FNDC3B: variants seen among roughly 807,000 people sequenced by gnomAD.
The protein encoded by FNDC3B is fibronectin type III domain containing 3B.
Under a neutral mutation model 151.5 loss-of-function variants are expected in FNDC3B, and 12 were observed. That is an observed-to-expected ratio of 0.08 (90% CI 0.05 to 0.13). FNDC3B has a LOEUF of 0.13. Among genes scored for constraint, FNDC3B ranks in the 10% least tolerant of loss-of-function variants. FNDC3B has a pLI of 1.00. For synonymous variants in FNDC3B, 528 were observed against 549.0 expected (o/e 0.96, Z 0.54); for missense variants, 1,214 against 1,505.3 (o/e 0.81, Z 3.20).
rs573995316 is a variant in FNDC3B at position 172,174,793 on chromosome 3, T to C, written c.187+41247T>C. Among the ~76,000 whole-genome samples the C allele has an allele frequency of 7.2e-5, 11 of 152,198 alleles. No homozygotes were observed. The South Asian group carries it at 2.3e-3, about 32-fold the overall frequency. On this transcript the variant is annotated intron_variant, in intron 3 of 25. Coordinates refer to ENST00000415807, the MANE Select transcript of FNDC3B (RefSeq NM_022763.4). Reference sequence around the variant, plus strand: ...TTGGTTGTGGGTGAATAGCCTCTTATTTAATTTAGTATGATGTTTATCTAG... The same window carrying C: ...TTGGTTGTGGGTGAATAGCCTCTTACTTAATTTAGTATGATGTTTATCTAG...
chr3:172,189,029 T>A (rs1724359619), intron 3 of FNDC3B, among the ~76,000 whole-genome samples: 1 of 152,220 alleles, frequency 6.6e-6, no homozygotes, highest in Admixed American at 6.5e-5. Context: ...AAAGGAAGCA[T>A]TTAAAACTTA....
intron 23 of FNDC3B, among the ~76,000 whole-genome samples, chr3:172,374,805 T>G (rs971480644): frequency 2.6e-5 from 4 of 152,172 alleles, no homozygotes; most frequent in Admixed American, 2.6e-4. Context: ...CTAAACTACT[T>G]GCTGGTGTTT....
chr3:172,165,914 A>G (rs1328901627), intron 3 of FNDC3B, among the ~76,000 whole-genome samples: 8 of 152,200 alleles, frequency 5.3e-5, no homozygotes, highest in Non-Finnish European at 1.2e-4. Context: ...ACTAAAAAAT[A>G]CCTTAGTTAT....
At chr3:172,039,936 G>A (rs1020374769) in intron 1 of FNDC3B, among the ~76,000 whole-genome samples, 165 bp downstream of exon 1, 1 of 151,898 alleles carries the variant, frequency 6.6e-6, no homozygotes, top group Non-Finnish European at 1.5e-5. Context: ...CCGGAGTGCT[G>A]GGGCGCCCCG....
intron 3 of FNDC3B, among the ~76,000 whole-genome samples, chr3:172,178,070 G>A (rs960239384): frequency 6.6e-6 from 1 of 152,126 alleles, no homozygotes; most frequent in African/African-American, 2.4e-5. Flanking sequence ...TGGTGTCTGT[G>A]TACCACATTT....
intron 1 of FNDC3B, among the ~76,000 whole-genome samples, chr3:172,086,361 A>G (rs1382144519): frequency 2.0e-4 from 4 of 19,810 alleles, no homozygotes; most frequent in Non-Finnish European, 4.6e-4. Flanking sequence ...CCTGATCTTT[A>G]AAAAAAAAAA....
intron 1 of FNDC3B, among the ~76,000 whole-genome samples, chr3:172,045,332 A>G (rs564888587): frequency 1.3e-5 from 2 of 152,184 alleles, no homozygotes; most frequent in Non-Finnish European, 2.9e-5. Context: ...AAGTTGTCCC[A>G]TATCTGTGTT....
At chr3:172,298,965 G>A (rs1036698490) in intron 9 of FNDC3B, among the ~76,000 whole-genome samples, 178 bp downstream of exon 9, 2 of 152,132 alleles carry the variant, frequency 1.3e-5, no homozygotes, top group Non-Finnish European at 2.9e-5. Context: ...ACACAGAAGC[G>A]CTTCTGTGAA....
intron 6 of FNDC3B, among the ~76,000 whole-genome samples, chr3:172,270,148 A>G (rs1436149410): frequency 6.6e-6 from 1 of 152,214 alleles, no homozygotes; most frequent in African/African-American, 2.4e-5. Flanking sequence ...TTCCAATGTT[A>G]TTGTAGTGCT....
chr3:172,141,820 C>A (rs1402502757), intron 3 of FNDC3B, among the ~76,000 whole-genome samples: 1 of 151,832 alleles, frequency 6.6e-6, no homozygotes, highest in Non-Finnish European at 1.5e-5. Flanking sequence ...CATTGCACTC[C>A]AGCCTGGGAG....
At position 172,330,727 on chromosome 3, in the gene FNDC3B, A is replaced by G; in HGVS notation, c.1554+12A>G. Reference sequence around the variant, plus strand: ...AGGAGGATGAAAATGTGAGTTTTACAGATTTTATACTTCTCTGTGTTTTGT... The same window carrying G: ...AGGAGGATGAAAATGTGAGTTTTACGGATTTTATACTTCTCTGTGTTTTGT... On this transcript the variant is annotated intron_variant, in intron 13 of 25. Coordinates refer to ENST00000415807, the MANE Select transcript of FNDC3B (RefSeq NM_022763.4). 6 of 1,606,266 alleles carry G rather than the reference A, an allele frequency of 3.7e-6. No homozygotes were observed. The highest frequency in any genetic ancestry group is 4.3e-6 in the Non-Finnish European group (5 of 1,173,526).
chr3:172,374,615 G>A (rs552613725), intron 23 of FNDC3B, among the ~76,000 whole-genome samples: 86 of 152,174 alleles, frequency 5.7e-4, no homozygotes, highest in African/African-American at 1.8e-3. Context: ...GGCTGGTCTC[G>A]AAATCCTGAC....
intron 3 of FNDC3B, among the ~76,000 whole-genome samples, chr3:172,202,648 A>G (rs184408097): frequency 1.3e-5 from 2 of 152,236 alleles, no homozygotes; most frequent in Non-Finnish European, 2.9e-5. Context: ...TTGTCTTCTT[A>G]TAAAGTCTTA....
chr3:172,161,989 T>TG lies in FNDC3B; in HGVS notation c.187+28451dup, dbSNP rs1553767751. On this transcript the variant is annotated intron_variant, in intron 3 of 25. Coordinates refer to ENST00000415807, the MANE Select transcript of FNDC3B (RefSeq NM_022763.4). ...CCTCTTAGGATAATTTTTTTTTTTT[T>TG]GGGGGGGGACAGAGTCTCTCTCTGT... Among the ~76,000 whole-genome samples the TG allele has an allele frequency of 3.9e-3, 578 of 147,142 alleles. 11 individuals are homozygous for TG. In the East Asian group the frequency reaches 0.053, roughly 13 times the overall value.
chr3:172,184,157 G>A (rs1394024200), intron 3 of FNDC3B: 1 of 152,190 alleles, frequency 6.6e-6, no homozygotes, highest in Non-Finnish European at 1.5e-5. Context: ...GTGGAAATTT[G>A]TCCAGAGGCC....
chr3:172,183,586 T>C (rs573052578), intron 3 of FNDC3B, among the ~76,000 whole-genome samples: 1 of 152,364 alleles, frequency 6.6e-6, no homozygotes, highest in South Asian at 2.1e-4. Flanking sequence ...ACACTACATT[T>C]CTTTCAGTCT....
chr3:172,273,952 G>A (rs1016662234), intron 6 of FNDC3B, among the ~76,000 whole-genome samples: 7 of 152,162 alleles, frequency 4.6e-5, no homozygotes, highest in Non-Finnish European at 7.3e-5. Flanking sequence ...TTTTGGAACC[G>A]GTGTGTGCTT....
intron 3 of FNDC3B, among the ~76,000 whole-genome samples, chr3:172,214,145 C>T (rs1725864061): frequency 6.6e-6 from 1 of 152,128 alleles, no homozygotes. Flanking sequence ...TGATCAGACG[C>T]CAAACACTTC....
chr3:172,397,611 T>G lies in FNDC3B; in HGVS notation c.*136T>G. On this transcript the variant is annotated 3_prime_UTR_variant, in exon 26 of 26. Coordinates refer to ENST00000415807, the MANE Select transcript of FNDC3B (RefSeq NM_022763.4). The stretch of plus-strand genomic sequence containing the variant: ...TACAGATTTAGCTAGAAAAAAAATG[T>G]CAGTGTTTTGGTGCACCTTTTTGAA... The G allele has an allele frequency of 4.1e-6, 2 of 484,992 alleles. No homozygotes were observed. The highest frequency in any genetic ancestry group is 6.8e-6 in the Non-Finnish European group (2 of 295,620). 30.0% of individuals were successfully genotyped at this position (484,992 alleles called of 1,614,324 possible). A position where few individuals can be genotyped will look rare whatever the true frequency, so the allele number is the denominator to read the frequency against.
Sources: gnomAD v4.1 joint callset for allele counts (sites outside exome capture counted in the v4.1 genomes callset) on GRCh38, gnomAD v4.1.1 for gene constraint, MANE v1.5 for transcripts, NCBI Gene and HGNC (gene_info 2026-07-23, HGNC 2026-07-21) for gene names.